METTL13: variants seen among roughly 807,000 people sequenced by gnomAD.
The protein encoded by METTL13 is eEF1A lysine and N-terminal methyltransferase.
METTL13 carries 52 observed loss-of-function variants against 67.4 expected under a neutral mutation model. That is an observed-to-expected ratio of 0.77 (90% CI 0.62 to 0.97). The LOEUF (loss-of-function observed/expected upper bound fraction) is 0.97, where lower values mean the gene tolerates loss of function less well. METTL13 is among the 50% of genes least tolerant of loss of function. The pLI is 0.00. For synonymous variants in METTL13, 354 were observed against 353.6 expected (o/e 1.00, Z -0.01); for missense variants, 825 against 889.6 (o/e 0.93, Z 0.92).
chr1:171,784,518 C>T lies in METTL13; in HGVS notation c.913+19C>T, dbSNP rs981441311. Reference sequence around the variant, plus strand: ...TTCATCAGTGAGTTGGGATTGCTCCCTCTCTTCCCTGGAGGGGCTGGCTTA... The same window carrying T: ...TTCATCAGTGAGTTGGGATTGCTCCTTCTCTTCCCTGGAGGGGCTGGCTTA... On this transcript the variant is annotated intron_variant, in intron 2 of 7. Coordinates refer to ENST00000361735, the MANE Select transcript of METTL13 (RefSeq NM_015935.5). 6.7e-7 allele frequency: 1 copy of T among 1,487,306 alleles called. No individual in the cohort carries two copies. Among genetic ancestry groups the T allele is most frequent in the Non-Finnish European group, 8.9e-7 (1 of 1,120,430 alleles). The allele number at this position is 1,487,306 out of a possible 1,614,324, so 92.1% of individuals were successfully genotyped here.
At position 171,790,499 on chromosome 1, in the gene METTL13, G is replaced by A; in HGVS notation, c.1357G>A (p.Ala453Thr). ...CAGGAAGAAGCAGCGGCCTGCTGAT[G>A]CGGAGGACCTCCCTGCAGCCCCGGG... ...KDRKKQRPAD[A>T]EDLPAAPGQS... is the part of the protein sequence containing the mutation. The change falls in exon 5 of 8, where the codon GCG becomes ACG. Residue 453 changes from alanine to threonine, a missense_variant. Ala to Thr is a moderately conservative substitution (Grantham distance 58). Transcript: ENST00000361735. The A allele has an allele frequency of 1.2e-6, 2 of 1,611,116 alleles. No homozygotes were observed. The highest frequency in any genetic ancestry group is 1.1e-5 in the South Asian group (1 of 90,620).
Position 171,783,746 on chromosome 1 carries a change from G to T in METTL13, c.160G>T (p.Val54Leu). The T allele has an allele frequency of 2.5e-6, 4 of 1,603,356 alleles. No individual in the cohort carries two copies. The highest frequency in any genetic ancestry group is 3.4e-6 in the Non-Finnish European group (4 of 1,173,034). ...CTGTGAATTTTTTCTCCAGGTGCTG[G>T]TGATTGGGTGTGGCAACTCAGAACT... Reference protein sequence around the residue: ...KYIKPREKVLVIGCGNSELSE... With the variant: ...KYIKPREKVLLIGCGNSELSE... Residue 54 changes from valine to leucine, a missense_variant, in exon 2 of 8, where the codon GTG becomes TTG. Coordinates refer to ENST00000361735, the MANE Select transcript of METTL13 (RefSeq NM_015935.5).
chr1:171,796,353 C>T (rs567711002), intron 7 of METTL13, 129 bp from the exon 8 acceptor site: 185 of 1,116,922 alleles, frequency 1.7e-4, no homozygotes, highest in Non-Finnish European at 2.2e-4. Context: ...TCTGCAAACT[C>T]ATCACCACCG....
In METTL13 at chr1:171,792,576, A is replaced by G. The variant is rs140248278; in HGVS notation, c.1693+341A>G. ...AAAGAAACAGAGAAGAAAAGGTGGA[A>G]TGTGTGTTGGGAGGTATTTTTGTAA... On this transcript the variant is annotated intron_variant, in intron 6 of 7. Coordinates refer to ENST00000361735, the MANE Select transcript of METTL13 (RefSeq NM_015935.5). Among the ~76,000 whole-genome samples, 526 of 152,336 alleles carry G rather than the reference A, an allele frequency of 3.5e-3. 1 individual carries two copies. Among genetic ancestry groups the G allele is most frequent in the Middle Eastern group, 0.01 (3 of 294 alleles).
At chr1:171,787,516 A>G (rs1262974843) in intron 3 of METTL13, among the ~76,000 whole-genome samples, 1 of 152,120 alleles carries the variant, frequency 6.6e-6, no homozygotes, top group African/African-American at 2.4e-5. Flanking sequence ...TGTTTGGGAG[A>G]TCTTTATGTG....
chr1:171,791,251 G>T (rs896493298), intron 5 of METTL13, among the ~76,000 whole-genome samples: 1 of 152,192 alleles, frequency 6.6e-6, no homozygotes, highest in Admixed American at 6.6e-5. Flanking sequence ...TGATCCCCCT[G>T]TGGTGGCTGT....
intron 4 of METTL13, among the ~76,000 whole-genome samples, chr1:171,789,315 G>GT (rs1419975136): frequency 2.0e-5 from 3 of 152,232 alleles, no homozygotes; most frequent in Non-Finnish European, 2.9e-5. Context: ...ACAGCCATCC[G>GT]TTTAGTATGA....
chr1:171,791,784 C>G (rs1385469224), intron 5 of METTL13, among the ~76,000 whole-genome samples: 1 of 152,096 alleles, frequency 6.6e-6, no homozygotes. Context: ...CTTTAAGAGA[C>G]AATAATAATA....
At chr1:171,794,825 C>CTT (rs796653445) in intron 7 of METTL13, among the ~76,000 whole-genome samples, 1 of 144,658 alleles carries the variant, frequency 6.9e-6, no homozygotes, top group Non-Finnish European at 1.5e-5. Context: ...GGAATGTTCC[C>CTT]TTTTTTTTTT....
intron 6 of METTL13, among the ~76,000 whole-genome samples, chr1:171,793,065 C>T (rs571376630): frequency 1.3e-5 from 2 of 152,224 alleles, no homozygotes; most frequent in Admixed American, 6.5e-5. Flanking sequence ...TCGAGTCCTT[C>T]GGGGAGAAGG....
At position 171,786,051 on chromosome 1, in the gene METTL13, C is replaced by A; in HGVS notation, c.1086C>A (p.Ala362=). 1 of 1,613,536 alleles carries A rather than the reference C, an allele frequency of 6.2e-7. No homozygotes were observed. The highest frequency in any genetic ancestry group is 8.5e-7 in the Non-Finnish European group (1 of 1,179,778). Residue 362 remains alanine (A), a synonymous_variant, in exon 3 of 8, where the codon GCC becomes GCA. Coordinates refer to ENST00000361735, the MANE Select transcript of METTL13 (RefSeq NM_015935.5). ...AELSARVMEL[A]PAGMPTQQQV... is the part of the protein sequence containing the mutation. ...TGTCGGCTAGAGTCATGGAGCTGGCCCCAGCTGGGATGCCCACCCAGCAGC... is the reference window on the plus strand; with the variant it reads ...TGTCGGCTAGAGTCATGGAGCTGGCACCAGCTGGGATGCCCACCCAGCAGC...
intron 7 of METTL13, 106 bp downstream of exon 7, chr1:171,794,633 A>C: frequency 6.7e-7 from 1 of 1,483,900 alleles, no homozygotes. Flanking sequence ...AATTTTTCCA[A>C]ATTTAATACA....
At chr1:171,794,062 A>G (rs1657288147) in intron 6 of METTL13, among the ~76,000 whole-genome samples, 1 of 152,198 alleles carries the variant, frequency 6.6e-6, no homozygotes, top group South Asian at 2.1e-4. Flanking sequence ...AGGTGATTGT[A>G]ATGTTCTGCC....
rs1174050287 is a variant in METTL13 at position 171,795,028 on chromosome 1, G to A, written c.1825+501G>A. Among the ~76,000 whole-genome samples, 3 of 152,070 alleles carry A rather than the reference G, an allele frequency of 2.0e-5. No homozygotes were observed. In the East Asian group the frequency reaches 5.8e-4, roughly 29 times the overall value. On this transcript the variant is annotated intron_variant, in intron 7 of 7. Coordinates refer to ENST00000361735, the MANE Select transcript of METTL13 (RefSeq NM_015935.5). Reference sequence around the variant, plus strand: ...TTTTGTAGAGATAGGATCTCAACATGTTGCCCAGGCTGGTCTCAAACTCCT... The same window carrying A: ...TTTTGTAGAGATAGGATCTCAACATATTGCCCAGGCTGGTCTCAAACTCCT...
Position 171,781,889 on chromosome 1 carries a change from C to T in METTL13, c.-79C>T. ...TCCCACTGCAGTGTCCCGGAGCCTG[C>T]GTGTGGTGGGCAAGCTCCTCAAATG... On this transcript the variant is annotated 5_prime_UTR_variant, in exon 1 of 8. Coordinates refer to ENST00000361735, the MANE Select transcript of METTL13 (RefSeq NM_015935.5). The T allele has an allele frequency of 1.3e-6, 2 of 1,578,094 alleles. No individual in the cohort carries two copies. The highest frequency in any genetic ancestry group is 1.7e-6 in the Non-Finnish European group (2 of 1,161,562).
chr1:171,794,645 C>T, intron 7 of METTL13, 118 bp downstream of exon 7: 1 of 1,398,282 alleles, frequency 7.2e-7, no homozygotes, highest in East Asian at 2.5e-5. Flanking sequence ...TTTAATACAC[C>T]CATTTACTAG....
In METTL13 at chr1:171,796,891, C is replaced by T; in HGVS notation, c.*135C>T. The T allele has an allele frequency of 3.4e-6, 4 of 1,185,088 alleles. No homozygotes were observed. The highest frequency in any genetic ancestry group is 4.7e-6 in the Non-Finnish European group (4 of 857,574). The allele number at this position is 1,185,088 out of a possible 1,614,324, so 73.4% of individuals were successfully genotyped here. A position where few individuals can be genotyped will look rare whatever the true frequency, so the allele number is the denominator to read the frequency against. ...TTTCACACTCAGCTACATGTGACCT[C>T]CAGCTTGGTGAGGTTGCCTGAAGAT... On this transcript the variant is annotated 3_prime_UTR_variant, in exon 8 of 8. Coordinates refer to ENST00000361735, the MANE Select transcript of METTL13 (RefSeq NM_015935.5).
intron 4 of METTL13, among the ~76,000 whole-genome samples, chr1:171,789,420 G>T (rs1463996313): frequency 6.6e-6 from 1 of 152,142 alleles, no homozygotes; most frequent in South Asian, 2.1e-4. Context: ...TCCTTCTTCA[G>T]CAAAGGTTGG....
Position 171,787,916 on chromosome 1 carries a change from A to C in METTL13, c.1295A>C (p.Asp432Ala). 4 of 1,613,508 alleles carry C rather than the reference A, an allele frequency of 2.5e-6. No individual in the cohort carries two copies. Among genetic ancestry groups the C allele is most frequent in the Non-Finnish European group, 3.4e-6 (4 of 1,179,928 alleles). ...CAGTCCGAAGCCAGGTTGCTGAAGG[A>C]TGTGTCTCACAAAGGTGAGGTGTCA... Reference protein sequence around the residue: ...VVQSEARLLKDVSHKAQKKRK... With the variant: ...VVQSEARLLKAVSHKAQKKRK... The change falls in exon 4 of 8, where the codon GAT (aspartate) becomes GCT (alanine). Residue 432 changes from aspartate to alanine, a missense_variant. Physicochemically the swap from Asp to Ala is moderately radical, Grantham distance 126. Coordinates refer to ENST00000361735, the MANE Select transcript of METTL13 (RefSeq NM_015935.5).
Sources: gnomAD v4.1 joint callset for allele counts (sites outside exome capture counted in the v4.1 genomes callset) on GRCh38, gnomAD v4.1.1 for gene constraint, MANE v1.5 for transcripts, NCBI Gene and HGNC (gene_info 2026-07-23, HGNC 2026-07-21) for gene names.